The following BTNL3 variants were observed in gnomAD, a reference collection of about 807,000 sequenced individuals.
BTNL3 encodes the protein butyrophilin like 3, also known as butyrophilin-like protein 3.
Under a neutral mutation model 40.1 loss-of-function variants are expected in BTNL3, and 20 were observed. The observed-to-expected ratio is 0.50, with a 90% CI of 0.35 to 0.72. BTNL3 has a LOEUF of 0.72. Ranked by LOEUF, BTNL3 falls within the 30% of genes least tolerant of loss-of-function variation. The pLI, the probability that BTNL3 is intolerant of heterozygous loss-of-function variation, is 0.01. For synonymous variants in BTNL3, 179 were observed against 222.1 expected (o/e 0.81, Z 1.73); for missense variants, 449 against 582.2 (o/e 0.77, Z 2.35).
In BTNL3 at chr5:180,996,837, T is replaced by C. The variant is rs1418180145; in HGVS notation, c.398-376T>C. On this transcript the variant is annotated intron_variant, in intron 2 of 7. Transcript: ENST00000342868. ...TGCTTTCATAGTTGCCATTTCACTATGAAATGTATTTTATACAGTTTCCTC... is the reference window on the plus strand; with the variant it reads ...TGCTTTCATAGTTGCCATTTCACTACGAAATGTATTTTATACAGTTTCCTC... Among the ~76,000 whole-genome samples the C allele has an allele frequency of 2.2e-5, 3 of 137,192 alleles. 1 individual carries two copies. The highest frequency in any genetic ancestry group is 2.2e-4 in the South Asian group (1 of 4,628). 90.0% of individuals were successfully genotyped at this position (137,192 alleles called of 152,430 possible).
At position 180,990,490 on chromosome 5, in the gene BTNL3, G is replaced by A. The variant is rs559013631; in HGVS notation, c.49+1413G>A. ...CTCGTGCATGTAGAGCGTCCAGCAC[G>A]GAGCTCCGCTGGGGCACAGTATGTT... On this transcript the variant is annotated intron_variant, in intron 1 of 7. Transcript: ENST00000342868. Among the ~76,000 whole-genome samples, 152 of 138,064 alleles carry A rather than the reference G, an allele frequency of 1.1e-3. 8 individuals are homozygous for A. Among genetic ancestry groups the A allele is most frequent in the African/African-American group, 3.6e-3 (145 of 40,118 alleles). The allele number at this position is 138,064 out of a possible 152,430, so 90.6% of individuals were successfully genotyped here. A position where few individuals can be genotyped will look rare whatever the true frequency, so the allele number is the denominator to read the frequency against.
Position 181,001,156 on chromosome 5 carries a change from T to C in BTNL3, c.674-1516T>C, listed in dbSNP as rs1157037513. On this transcript the variant is annotated intron_variant, in intron 3 of 7. Transcript: ENST00000342868. ...ATCTTATTGAAGGGTATTATAAAACTGTATTAAAAGACACTAATGAAAACT... is the reference window on the plus strand; with the variant it reads ...ATCTTATTGAAGGGTATTATAAAACCGTATTAAAAGACACTAATGAAAACT... 1.5e-5 allele frequency among the ~76,000 whole-genome samples: 2 copies of C among 137,142 alleles called. 1 individual carries two copies. The highest frequency in any genetic ancestry group is 3.3e-5 in the Non-Finnish European group (2 of 60,014). 90.0% of individuals were successfully genotyped at this position (137,142 alleles called of 152,430 possible).
At chr5:181,004,335 A>C (rs1474404416) in intron 5 of BTNL3, 82 bp from the exon 6 acceptor site, 3 of 669,522 alleles carry the variant, frequency 4.5e-6, no homozygotes, top group Non-Finnish European at 7.7e-6. Flanking sequence ...ACTCGCAGGG[A>C]TTCCCTCCCA....
At chr5:181,001,905 A>C (rs1760116295) in intron 3 of BTNL3, among the ~76,000 whole-genome samples, 1 of 132,128 alleles carries the variant, frequency 7.6e-6, no homozygotes, top group African/African-American at 2.6e-5. Context: ...AATAAACATT[A>C]CCTTTAAAAA....
rs922837174 is a variant in BTNL3 at position 180,999,810 on chromosome 5, A to T, written c.673+2322A>T. Among the ~76,000 whole-genome samples, 4 of 136,272 alleles carry T rather than the reference A, an allele frequency of 2.9e-5. 1 individual carries two copies. The highest frequency in any genetic ancestry group is 6.7e-5 in the Non-Finnish European group (4 of 59,752). 89.4% of individuals were successfully genotyped at this position (136,272 alleles called of 152,430 possible). On this transcript the variant is annotated intron_variant, in intron 3 of 7. Transcript: ENST00000342868. ...GTGAGACTTTGTCTCAAAAATTTTT[A>T]AAAAAGAAGAAAAACGTAAAATACA...
At position 181,006,316 on chromosome 5, in the gene BTNL3, G is replaced by T; in HGVS notation, c.*444G>T. Reference sequence around the variant, plus strand: ...AGGGCACAGTGTTTGCTAATGATGTGTTTTTATATTATACATTTTCCCACC... The same window carrying T: ...AGGGCACAGTGTTTGCTAATGATGTTTTTTTATATTATACATTTTCCCACC... On this transcript the variant is annotated 3_prime_UTR_variant, in exon 8 of 8. Transcript: ENST00000342868. 3.3e-6 allele frequency: 1 copy of T among 300,000 alleles called. No homozygotes were observed. The highest frequency in any genetic ancestry group is 6.1e-6 in the Non-Finnish European group (1 of 164,908). 18.6% of individuals were successfully genotyped at this position (300,000 alleles called of 1,614,324 possible).
At chr5:180,998,810 G>A (rs1760067337) in intron 3 of BTNL3, among the ~76,000 whole-genome samples, 2 of 137,514 alleles carry the variant, frequency 1.5e-5, no homozygotes, top group African/African-American at 5.0e-5. Context: ...GTGTAAAATA[G>A]AACTAATATA....
At position 180,992,941 on chromosome 5, in the gene BTNL3, T is replaced by C. The variant is rs1199522236; in HGVS notation, c.178T>C (p.Phe60Leu). The change falls in exon 2 of 8, where the codon TTC becomes CTC. Residue 60 changes from phenylalanine to leucine, a missense_variant. By Grantham distance (22) the Phe-to-Leu change is conservative. This residue lies in a region of BTNL3 where 323 missense variants were observed against 464.9 expected (regional missense o/e 0.69). Coordinates refer to ENST00000342868, the MANE Select transcript of BTNL3 (RefSeq NM_197975.3). ...AMEVRFFRNQ[F>L]HAVVHLYRDG... ...GGAAGTGCGGTTCTTCAGGAATCAG[T>C]TCCATGCTGTGGTCCACCTCTACAG... 2 of 1,463,068 alleles carry C rather than the reference T, an allele frequency of 1.4e-6. No individual in the cohort carries two copies. The highest frequency in any genetic ancestry group is 1.8e-4 in the Middle Eastern group (1 of 5,710). 90.6% of individuals were successfully genotyped at this position (1,463,068 alleles called of 1,614,324 possible). A position where few individuals can be genotyped will look rare whatever the true frequency, so the allele number is the denominator to read the frequency against.
At position 180,995,274 on chromosome 5, in the gene BTNL3, G is replaced by A. The variant is rs142406914; in HGVS notation, c.398-1939G>A. 3.2e-3 allele frequency among the ~76,000 whole-genome samples: 440 copies of A among 136,402 alleles called. 54 individuals carry two copies. Among genetic ancestry groups the A allele is most frequent in the African/African-American group, 0.01 (401 of 39,650 alleles). The allele number at this position is 136,402 out of a possible 152,430, so 89.5% of individuals were successfully genotyped here. A position where few individuals can be genotyped will look rare whatever the true frequency, so the allele number is the denominator to read the frequency against. ...CATTTTAATAATAGCTATTCATGTT[G>A]GTCTTGGCAATCACATGATTGTCTA... On this transcript the variant is annotated intron_variant, in intron 2 of 7. Coordinates refer to ENST00000342868, the MANE Select transcript of BTNL3 (RefSeq NM_197975.3).
In BTNL3 at chr5:180,989,886, G is replaced by A. The variant is rs564678024; in HGVS notation, c.49+809G>A. ...CAAAATCCATGTGTGCTCAGAGGGCGTGGTGGCTCACACCTGTAATCCCAG... is the reference window on the plus strand; with the variant it reads ...CAAAATCCATGTGTGCTCAGAGGGCATGGTGGCTCACACCTGTAATCCCAG... On this transcript the variant is annotated intron_variant, in intron 1 of 7. Transcript: ENST00000342868. Among the ~76,000 whole-genome samples the A allele has an allele frequency of 3.6e-5, 5 of 137,064 alleles. 1 individual carries two copies. Among genetic ancestry groups the A allele is most frequent in the Non-Finnish European group, 8.4e-5 (5 of 59,806 alleles). The allele number at this position is 137,064 out of a possible 152,430, so 89.9% of individuals were successfully genotyped here. A position where few individuals can be genotyped will look rare whatever the true frequency, so the allele number is the denominator to read the frequency against.
chr5:181,000,100 T>G (rs1352724990), intron 3 of BTNL3, among the ~76,000 whole-genome samples: 1 of 136,432 alleles, frequency 7.3e-6, no homozygotes, highest in African/African-American at 2.5e-5. Flanking sequence ...GGAAAAATTT[T>G]TACCAACATT....
At position 180,990,133 on chromosome 5, in the gene BTNL3, C is replaced by G. The variant is rs567210063; in HGVS notation, c.49+1056C>G. ...CAAGATCGTGCCACTGCACTCCAACCTGGGTGACAGAGTGAGACTTTGTCT... is the reference window on the plus strand; with the variant it reads ...CAAGATCGTGCCACTGCACTCCAACGTGGGTGACAGAGTGAGACTTTGTCT... On this transcript the variant is annotated intron_variant, in intron 1 of 7. Coordinates refer to ENST00000342868, the MANE Select transcript of BTNL3 (RefSeq NM_197975.3). 5.0e-4 allele frequency among the ~76,000 whole-genome samples: 68 copies of G among 137,038 alleles called. 14 individuals carry two copies. Among genetic ancestry groups the G allele is most frequent in the South Asian group, 1.7e-3 (8 of 4,602 alleles). 89.9% of individuals were successfully genotyped at this position (137,038 alleles called of 152,430 possible). A position where few individuals can be genotyped will look rare whatever the true frequency, so the allele number is the denominator to read the frequency against.
chr5:181,004,095 T>A, intron 5 of BTNL3: 1 of 1,385,562 alleles, frequency 7.2e-7, no homozygotes, highest in Non-Finnish European at 9.8e-7. Context: ...CCCCACAAAT[T>A]GTCTGTGCCT....
intron 1 of BTNL3, among the ~76,000 whole-genome samples, chr5:180,992,009 T>G (rs1759976751): frequency 7.3e-6 from 1 of 137,838 alleles, no homozygotes. Context: ...CTGAGTCTCA[T>G]GCAGCCCACA....
rs754852795 is a variant in BTNL3 at position 181,005,685 on chromosome 5, C to T, written c.1214C>T (p.Thr405Ile). 3.1e-6 allele frequency: 5 copies of T among 1,614,014 alleles called. No individual in the cohort carries two copies. The highest frequency in any genetic ancestry group is 3.4e-6 in the Non-Finnish European group (4 of 1,180,010). ...FISLPPSTPP[T>I]RVGVFLDYEG... ...AGCCTCCCCCCCAGCACCCCTCCTA[C>T]ACGAGTAGGGGTCTTCCTGGACTAT... is the stretch of plus-strand genomic sequence containing the variant. The change falls in exon 8 of 8, where the codon ACA (threonine) becomes ATA (isoleucine). Residue 405 changes from threonine to isoleucine, a missense_variant. This residue lies in a region of BTNL3 where 126 missense variants were observed against 117.2 expected (regional missense o/e 1.07). Coordinates refer to ENST00000342868, the MANE Select transcript of BTNL3 (RefSeq NM_197975.3).
At chr5:181,003,924 T>C in intron 5 of BTNL3, 48 bp downstream of exon 5, 1 of 1,613,738 alleles carries the variant, frequency 6.2e-7, no homozygotes, top group Non-Finnish European at 8.5e-7. Context: ...CCCGGGTCCC[T>C]CCCTGATCCA....
At position 180,993,210 on chromosome 5, in the gene BTNL3, T is replaced by C; in HGVS notation, c.397+50T>C. On this transcript the variant is annotated intron_variant, in intron 2 of 7. Transcript: ENST00000342868. ...TTGTCTTGTAAAGTCATGCTACCAT[T>C]ATCAGCTCTTAAAAGTATTTCAGAT... The C allele has an allele frequency of 2.2e-6, 3 of 1,389,310 alleles. 1 individual carries two copies. The highest frequency in any genetic ancestry group is 2.9e-6 in the Non-Finnish European group (3 of 1,022,594). 86.1% of individuals were successfully genotyped at this position (1,389,310 alleles called of 1,614,324 possible).
In BTNL3 at chr5:180,997,291, G is replaced by A. The variant is rs930979416; in HGVS notation, c.476G>A (p.Trp159Ter). The change falls in exon 3 of 8, where the codon TGG becomes TAG. Residue 159 changes from tryptophan (W) to a stop codon, truncating the protein, a stop_gained. Transcript: ENST00000342868. LOFTEE classifies it high-confidence loss of function. ...GIQLLCLSSG[W>*]FPQPTAKWKG... is the part of the protein sequence containing the mutation. ...CAGTTACTCTGCCTGTCCTCAGGCT[G>A]GTTCCCCCAGCCCACAGCCAAGTGG... is the stretch of plus-strand genomic sequence containing the variant. 3 of 1,464,586 alleles carry A rather than the reference G, an allele frequency of 2.0e-6. 1 individual carries two copies. The highest frequency in any genetic ancestry group is 3.7e-5 in the Admixed American group (2 of 53,478). The allele number at this position is 1,464,586 out of a possible 1,614,324, so 90.7% of individuals were successfully genotyped here.
rs1374104369 is a variant in BTNL3, at chr5:181,005,410, A to G, written c.939A>G (p.Lys313=). The G allele has an allele frequency of 6.2e-7, 1 of 1,613,750 alleles. No homozygotes were observed. The highest frequency in any genetic ancestry group is 8.5e-7 in the Non-Finnish European group (1 of 1,179,976). ...ATCTGAAAACTGTAACCCATAGAAA[A>G]GCTCCCCAGGAGGTGCCTCACTCTG... ...VSDLKTVTHR[K]APQEVPHSEK... is the part of the protein sequence containing the mutation. The change falls in exon 8 of 8, where the codon AAA becomes AAG. Residue 313 remains lysine (K), a synonymous_variant. Coordinates refer to ENST00000342868, the MANE Select transcript of BTNL3 (RefSeq NM_197975.3).
Sources: allele counts gnomAD v4.1 joint callset (sites outside exome capture counted in the v4.1 genomes callset), GRCh38; gene constraint gnomAD v4.1.1; regional missense constraint gnomAD v4.1.1; transcripts MANE v1.5; gene names NCBI Gene and HGNC (gene_info 2026-07-23, HGNC 2026-07-21).